PAX7: variants seen among roughly 807,000 people sequenced by gnomAD.
PAX7 encodes the protein paired box protein Pax-7.
PAX7 carries 18 observed loss-of-function variants against 50.7 expected under a neutral mutation model. The observed-to-expected ratio is 0.36, with a 90% CI of 0.25 to 0.53. The LOEUF (loss-of-function observed/expected upper bound fraction) is 0.53. Among genes scored for constraint, PAX7 ranks in the 20% least tolerant of loss-of-function variants. The pLI is 0.93. For missense variants in PAX7, 644 were observed against 702.9 expected, an observed-to-expected ratio of 0.92 and a Z score of 0.95; for synonymous variants, 310 against 290.4, an observed-to-expected ratio of 1.07 and a Z score of -0.69.
intron 4 of PAX7, among the ~76,000 whole-genome samples, chr1:18,671,899 C>T (rs2088756029): frequency 6.6e-6 from 1 of 151,830 alleles, no homozygotes; most frequent in South Asian, 2.1e-4. Context: ...ATCACTTAAG[C>T]CCAGGAGTTA....
rs1028692204 is a variant in PAX7 at position 18,632,675 on chromosome 1, G to T, written c.85+987G>T. ...TTTTTAAATTACTCTTCCTGTGATCGTTTGAGTCCCTGGCGCGTGAGGAAG... is the reference window on the plus strand; with the variant it reads ...TTTTTAAATTACTCTTCCTGTGATCTTTTGAGTCCCTGGCGCGTGAGGAAG... On this transcript the variant is annotated intron_variant, in intron 1 of 8. Coordinates refer to ENST00000420770, the MANE Select transcript of PAX7 (RefSeq NM_001135254.2). This position sits in a 1 kb window ranked among gnomAD's most constrained non-coding sequence, Gnocchi z 6.3. Among the ~76,000 whole-genome samples the T allele has an allele frequency of 7.9e-6, 1 of 126,056 alleles. No homozygotes were observed. The highest frequency in any genetic ancestry group is 1.6e-5 in the Non-Finnish European group (1 of 62,958). 82.7% of individuals were successfully genotyped at this position (126,056 alleles called of 152,430 possible).
chr1:18,631,327 T>G lies in PAX7; in HGVS notation c.-277T>G. On this transcript the variant is annotated 5_prime_UTR_variant, in exon 1 of 9. Transcript: ENST00000420770. The stretch of plus-strand genomic sequence containing the variant: ...CGAGGCCAGCCGGCAGAGGCGGACT[T>G]GGGGTTGGAGTGTTTGTTTGTTTGA... The G allele has an allele frequency of 2.9e-6, 1 of 350,664 alleles. No homozygotes were observed. The highest frequency in any genetic ancestry group is 5.2e-6 in the Non-Finnish European group (1 of 191,692). The allele number at this position is 350,664 out of a possible 1,614,324, so 21.7% of individuals were successfully genotyped here.
intron 4 of PAX7, among the ~76,000 whole-genome samples, chr1:18,649,942 T>C (rs1036403770): frequency 6.6e-6 from 1 of 152,194 alleles, no homozygotes; most frequent in Non-Finnish European, 1.5e-5. Flanking sequence ...GTTTTCAAAC[T>C]GTGTTCCATG....
At chr1:18,638,270 G>A (rs2088194549) in intron 4 of PAX7, among the ~76,000 whole-genome samples, 1 of 152,210 alleles carries the variant, frequency 6.6e-6, no homozygotes, top group Admixed American at 6.5e-5. Context: ...GGAAGAGGAT[G>A]GAAAGATCGT....
intron 3 of PAX7, 133 bp downstream of exon 3, chr1:18,635,373 G>A (rs1051875461): frequency 1.9e-6 from 2 of 1,058,202 alleles, no homozygotes; most frequent in Non-Finnish European, 2.7e-6. Flanking sequence ...GGGAGGAAAG[G>A]AGTACAGAAA....
intron 4 of PAX7, among the ~76,000 whole-genome samples, chr1:18,660,020 C>T (rs2088578796): frequency 6.6e-6 from 1 of 152,206 alleles, no homozygotes; most frequent in Non-Finnish European, 1.5e-5. Context: ...TGAGGGGAAG[C>T]ATGGATGTAG....
intron 4 of PAX7, among the ~76,000 whole-genome samples, chr1:18,653,277 C>T (rs894097129): frequency 3.3e-5 from 5 of 151,906 alleles, no homozygotes; most frequent in Non-Finnish European, 7.4e-5. Context: ...TGAGGAATCA[C>T]AGTCAGCCTT....
intron 1 of PAX7, among the ~76,000 whole-genome samples, chr1:18,633,833 C>T (rs2088099766): frequency 6.6e-6 from 1 of 152,222 alleles, no homozygotes; most frequent in African/African-American, 2.4e-5. Flanking sequence ...AGCAGATGAG[C>T]CACATCACAC....
chr1:18,733,292 C>T (rs1055954536), intron 7 of PAX7, among the ~76,000 whole-genome samples: 1 of 152,188 alleles, frequency 6.6e-6, no homozygotes, highest in African/African-American at 2.4e-5. Context: ...CAACAAAGAT[C>T]TCAGAAGCAC....
chr1:18,697,615 C>A (rs1344380933), intron 5 of PAX7, among the ~76,000 whole-genome samples: 1 of 152,134 alleles, frequency 6.6e-6, no homozygotes, highest in East Asian at 1.9e-4. Flanking sequence ...CTGCTGTCAA[C>A]CATCCTGTTA....
chr1:18,741,809 G>A (rs1324902211), intron 8 of PAX7, among the ~76,000 whole-genome samples: 1 of 152,192 alleles, frequency 6.6e-6, no homozygotes, highest in Non-Finnish European at 1.5e-5. Flanking sequence ...AATTTGGGGT[G>A]CAGAGCACCT....
At position 18,631,319 on chromosome 1, in the gene PAX7, G is replaced by A. The variant is rs1295612518; in HGVS notation, c.-285G>A. On this transcript the variant is annotated 5_prime_UTR_variant, in exon 1 of 9. Transcript: ENST00000420770. Reference sequence around the variant, plus strand: ...CTTCTGGCCGAGGCCAGCCGGCAGAGGCGGACTTGGGGTTGGAGTGTTTGT... The same window carrying A: ...CTTCTGGCCGAGGCCAGCCGGCAGAAGCGGACTTGGGGTTGGAGTGTTTGT... 1 of 341,276 alleles carries A rather than the reference G, an allele frequency of 2.9e-6. No individual in the cohort carries two copies. Among genetic ancestry groups the A allele is most frequent in the Non-Finnish European group, 5.4e-6 (1 of 185,914 alleles). 21.1% of individuals were successfully genotyped at this position (341,276 alleles called of 1,614,324 possible).
chr1:18,734,565 C>T (rs914192756), intron 7 of PAX7, among the ~76,000 whole-genome samples: 3 of 152,212 alleles, frequency 2.0e-5, no homozygotes, highest in Non-Finnish European at 4.4e-5. Flanking sequence ...TGCTTCTCCC[C>T]GTCCTCTTTC....
In PAX7 at chr1:18,700,950, AAG is replaced by A. The variant is rs1372749365; in HGVS notation, c.952+134_952+135del. On this transcript the variant is annotated intron_variant, in intron 6 of 8. Coordinates refer to ENST00000420770, the MANE Select transcript of PAX7 (RefSeq NM_001135254.2). The surrounding 1 kb of genome is among the most constrained non-coding windows in gnomAD (Gnocchi z 4.8). ...ATGTAAGCAGGCTATTGAGAGCAAA[AAG>A]ATGCAATCCTGCCCTTGAAATTCTT... 3.3e-6 allele frequency: 3 copies of A among 904,810 alleles called. No individual in the cohort carries two copies. The African/African-American group carries it at 5.3e-5, about 16-fold the overall frequency. The allele number at this position is 904,810 out of a possible 1,614,324, so 56.0% of individuals were successfully genotyped here.
At chr1:18,722,634 C>CAGGGCGTCGACATAGCTGGA (rs1553142511) in intron 7 of PAX7, among the ~76,000 whole-genome samples, 1 of 152,148 alleles carries the variant, frequency 6.6e-6, no homozygotes, top group Admixed American at 6.5e-5. Context: ...GGTGAGGCGG[C>CAGGGCGTCGACATAGCTGGA]AGGGCGTCGA....
Position 18,631,492 on chromosome 1 carries a change from T to G in PAX7, c.-112T>G. ...GTGTGTGGAGGGGAGGGAGAAGAGG[T>G]TAAAAAAAAGAAGACGAAGAAGACG... On this transcript the variant is annotated 5_prime_UTR_variant, in exon 1 of 9. Coordinates refer to ENST00000420770, the MANE Select transcript of PAX7 (RefSeq NM_001135254.2). 1.1e-6 allele frequency: 1 copy of G among 906,138 alleles called. No homozygotes were observed. Among genetic ancestry groups the G allele is most frequent in the South Asian group, 1.5e-5 (1 of 67,640 alleles). 56.1% of individuals were successfully genotyped at this position (906,138 alleles called of 1,614,324 possible).
In PAX7 at chr1:18,747,706, G is replaced by A. The variant is rs192068581; in HGVS notation, c.*2777G>A. 2.8e-3 allele frequency: 562 copies of A among 203,572 alleles called. 1 individual carries two copies. Among genetic ancestry groups the A allele is most frequent in the African/African-American group, 0.011 (460 of 43,670 alleles). The allele number at this position is 203,572 out of a possible 1,614,324, so 12.6% of individuals were successfully genotyped here. On this transcript the variant is annotated 3_prime_UTR_variant, in exon 9 of 9. Coordinates refer to ENST00000420770, the MANE Select transcript of PAX7 (RefSeq NM_001135254.2). ...TTCCTCCAACTTATCACAAGTCGCC[G>A]TTGGTCCTCTCTAAGGAGGGCTCTC...
At chr1:18,688,247 T>C (rs1570172791) in intron 4 of PAX7, among the ~76,000 whole-genome samples, 2 of 152,148 alleles carry the variant, frequency 1.3e-5, no homozygotes. Context: ...ATAAAAACCA[T>C]AAATAGCATA....
At chr1:18,631,864 C>G (rs1279429817) in intron 1 of PAX7, among the ~76,000 whole-genome samples, 176 bp downstream of exon 1, 3 of 152,202 alleles carry the variant, frequency 2.0e-5, no homozygotes, top group African/African-American at 7.2e-5. Flanking sequence ...CCATACTTGT[C>G]CGCTTCTGCG....
Sources: gnomAD v4.1 joint callset for allele counts (sites outside exome capture counted in the v4.1 genomes callset) on GRCh38, gnomAD v4.1.1 for gene constraint, Gnocchi (gnomAD v3.1) non-coding constraint, MANE v1.5 for transcripts, NCBI Gene and HGNC (gene_info 2026-07-23, HGNC 2026-07-21) for gene names.